PFKFB3: variants seen among roughly 807,000 people sequenced by gnomAD.
The protein encoded by PFKFB3 is 6-phosphofructo-2-kinase/fructose-2,6-biphosphatase 3.
Under a neutral mutation model 68.0 loss-of-function variants are expected in PFKFB3, and 33 were observed. The ratio of observed to expected loss-of-function variants is 0.49; its 90% CI spans 0.37 to 0.65. PFKFB3 has a LOEUF of 0.65. Among genes scored for constraint, PFKFB3 ranks in the 30% least tolerant of loss-of-function variants. The pLI, the probability that PFKFB3 is intolerant of heterozygous loss-of-function variation, is 0.00. For missense variants in PFKFB3, 586 were observed against 712.2 expected (o/e 0.82, Z 2.02); for synonymous variants, 315 against 288.2 (o/e 1.09, Z -0.94).
intron 1 of PFKFB3, among the ~76,000 whole-genome samples, chr10:6,161,673 C>G (rs968261314): frequency 6.6e-6 from 1 of 151,628 alleles, no homozygotes; most frequent in African/African-American, 2.4e-5. Flanking sequence ...CACTTTGTCA[C>G]CCAGGCTGGA....
chr10:6,248,555 G>T (rs1215517014), intron 14 of PFKFB3, among the ~76,000 whole-genome samples: 2 of 150,262 alleles, frequency 1.3e-5, no homozygotes, highest in African/African-American at 2.5e-5. Context: ...CTTGAACCTG[G>T]GAGGCAGAGG....
At chr10:6,286,564 G>C in the PFKFB3 span, among the ~76,000 whole-genome samples, 1 of 151,944 alleles carries the variant, frequency 6.6e-6, no homozygotes, top group Admixed American at 6.6e-5. Context: ...TTTTAGTAAA[G>C]ATGGGGTCTC....
In PFKFB3 at chr10:6,210,048, G is replaced by GGTGCGCCCCTCTCTT. The variant is rs1294381155; in HGVS notation, c.77-3574_77-3573insTGCGCCCCTCTCTTG. On this transcript the variant is annotated intron_variant, in intron 1 of 14. Transcript: ENST00000379775. Reference sequence around the variant, plus strand: ...ATTACAGGCGTGAGCCACCGTGCCCGGCCTAATACTTATCTTTTCTAATCA... The same window carrying GGTGCGCCCCTCTCTT: ...ATTACAGGCGTGAGCCACCGTGCCCGGTGCGCCCCTCTCTTGCCTAATACTTATCTTTTCTAATCA... 1.7e-3 allele frequency among the ~76,000 whole-genome samples: 210 copies of GGTGCGCCCCTCTCTT among 121,962 alleles called. 1 individual carries two copies. Among genetic ancestry groups the GGTGCGCCCCTCTCTT allele is most frequent in the Admixed American group, 2.6e-3 (30 of 11,714 alleles). The allele number at this position is 121,962 out of a possible 152,430, so 80.0% of individuals were successfully genotyped here.
At chr10:6,274,481 G>A in the PFKFB3 span, among the ~76,000 whole-genome samples, 1 of 152,202 alleles carries the variant, frequency 6.6e-6, no homozygotes, top group Non-Finnish European at 1.5e-5. Context: ...CTTTAATAAT[G>A]CATTCAATAG....
intron 1 of PFKFB3, among the ~76,000 whole-genome samples, chr10:6,189,108 G>T (rs1407570022): frequency 6.6e-6 from 1 of 152,128 alleles, no homozygotes; most frequent in East Asian, 1.9e-4. Flanking sequence ...CAAAGTGCTG[G>T]GATTACAGGC....
At chr10:6,153,106 G>A (rs1841647366) in intron 1 of PFKFB3, among the ~76,000 whole-genome samples, 1 of 151,582 alleles carries the variant, frequency 6.6e-6, no homozygotes, top group South Asian at 2.1e-4. Flanking sequence ...TGCTTGAACT[G>A]GAAGGCATTG....
At chr10:6,212,776 A>G (rs1266172044) in intron 1 of PFKFB3, among the ~76,000 whole-genome samples, 1 of 152,238 alleles carries the variant, frequency 6.6e-6, no homozygotes, top group Admixed American at 6.5e-5. Context: ...CTGGGATCAC[A>G]GGCATGAACC....
chr10:6,323,591 A>C, the PFKFB3 span, among the ~76,000 whole-genome samples: 1 of 152,224 alleles, frequency 6.6e-6, no homozygotes, highest in Admixed American at 6.5e-5. Context: ...TGAAGAGGAA[A>C]AAAATTTTCA....
At chr10:6,266,771 G>A in the PFKFB3 span, among the ~76,000 whole-genome samples, 360 of 152,326 alleles carry the variant, frequency 2.4e-3, 1 homozygote, top group African/African-American at 8.2e-3. Context: ...AATTTATTCA[G>A]TATTTCAAAA....
the PFKFB3 span, among the ~76,000 whole-genome samples, chr10:6,309,042 A>C: frequency 1.3e-5 from 2 of 152,226 alleles, no homozygotes; most frequent in East Asian, 3.8e-4. Context: ...ACAAATAAAA[A>C]AAAGAGAGGG....
chr10:6,225,499 G>A lies in PFKFB3; in HGVS notation c.1342-693G>A, dbSNP rs1017523954. ...CCCGCTATGGGATTGGGCCTGAGCC[G>A]GTCCTGGAGCTCTTCCCTGCAGGGA... On this transcript the variant is annotated intron_variant, in intron 13 of 14. Coordinates refer to ENST00000379775, the MANE Select transcript of PFKFB3 (RefSeq NM_004566.4). 5.9e-5 allele frequency among the ~76,000 whole-genome samples: 9 copies of A among 152,242 alleles called. No individual in the cohort carries two copies. In the East Asian group the frequency reaches 7.7e-4, roughly 13 times the overall value.
chr10:6,300,862 G>T, the PFKFB3 span, among the ~76,000 whole-genome samples: 154 of 152,316 alleles, frequency 1.0e-3, no homozygotes, highest in African/African-American at 3.6e-3. Flanking sequence ...CTAGAGAGAA[G>T]CTACTGCCTT....
At position 6,154,450 on chromosome 10, in the gene PFKFB3, G is replaced by A. The variant is rs12218693; in HGVS notation, c.16+9437G>A. Among the ~76,000 whole-genome samples, 87,723 of 151,868 alleles carry A rather than the reference G, an allele frequency of 0.58. 26,029 individuals are homozygous for A. The highest frequency in any genetic ancestry group is 0.71 in the Middle Eastern group (208 of 294). On this transcript the variant is annotated intron_variant, in intron 1 of 14. Coordinates refer to the PFKFB3 transcript ENST00000379789. The surrounding 1 kb of genome is among the most constrained non-coding windows in gnomAD (Gnocchi z 4.6). ...TTTAGTAGAGACGGAATTTCACCAC[G>A]TTGGTCAGGCTGGTCTTGAACTCCT...
At chr10:6,261,443 T>G in the PFKFB3 span, among the ~76,000 whole-genome samples, 1 of 152,332 alleles carries the variant, frequency 6.6e-6, no homozygotes, top group South Asian at 2.1e-4. Context: ...AACCAAATAC[T>G]GCATGTTCTC....
At chr10:6,231,398 G>A (rs533839775) in intron 14 of PFKFB3, 68 of 1,594,550 alleles carry the variant, frequency 4.3e-5, no homozygotes, top group Non-Finnish European at 5.4e-5. Context: ...CGTGCAATGC[G>A]GGGCTCATCT....
At chr10:6,292,278 C>CTTT in the PFKFB3 span, among the ~76,000 whole-genome samples, 87 of 54,296 alleles carry the variant, frequency 1.6e-3, no homozygotes, top group Non-Finnish European at 1.7e-3. Flanking sequence ...TTTTTTTTTT[C>CTTT]TTTTTTTTTT....
the PFKFB3 span, among the ~76,000 whole-genome samples, chr10:6,298,318 G>A: frequency 1.3e-5 from 2 of 151,784 alleles, no homozygotes. Flanking sequence ...GCTCAAGAAA[G>A]GGAAGTAGGA....
chr10:6,265,346 G>A, the PFKFB3 span, among the ~76,000 whole-genome samples: 2 of 152,128 alleles, frequency 1.3e-5, no homozygotes, highest in Non-Finnish European at 2.9e-5. Context: ...CTCCCAAAGT[G>A]CTGGGATTAC....
chr10:6,319,614 T>G, the PFKFB3 span, among the ~76,000 whole-genome samples: 1 of 151,962 alleles, frequency 6.6e-6, no homozygotes, highest in African/African-American at 2.4e-5. Flanking sequence ...CAAATATCCA[T>G]GTAACACGTA....
Sources: allele counts gnomAD v4.1 joint callset (sites outside exome capture counted in the v4.1 genomes callset), GRCh38; gene constraint gnomAD v4.1.1; non-coding constraint Gnocchi (gnomAD v3.1); transcripts MANE v1.5; gene names NCBI Gene and HGNC (gene_info 2026-07-23, HGNC 2026-07-21).